The following CCDC69 variants were observed in gnomAD, a reference collection of about 807,000 sequenced individuals.
CCDC69 encodes coiled-coil domain containing 69.
Under a neutral mutation model 40.3 loss-of-function variants are expected in CCDC69, and 38 were observed. That is an observed-to-expected ratio of 0.94 (90% confidence interval 0.73 to 1.24). CCDC69 has a LOEUF of 1.24. Ranked by LOEUF, CCDC69 falls within the 50% of genes most tolerant of loss-of-function variation. The probability of loss-of-function intolerance (pLI) is 0.00; values close to 1 mark genes in which losing one functional copy is unlikely to be tolerated. For missense variants in CCDC69, 389 were observed against 357.9 expected, an observed-to-expected ratio of 1.09 and a Z score of -0.70; for synonymous variants, 141 against 138.9, an observed-to-expected ratio of 1.02 and a Z score of -0.11.
Position 151,186,244 on chromosome 5 carries a change from A to G in CCDC69, c.394-120T>C, listed in dbSNP as rs978476992. 2.5e-5 allele frequency: 18 copies of G among 728,276 alleles called. No individual in the cohort carries two copies. In the African/African-American group the frequency reaches 2.9e-4, roughly 12 times the overall value. The allele number at this position is 728,276 out of a possible 1,614,324, so 45.1% of individuals were successfully genotyped here. A position where few individuals can be genotyped will look rare whatever the true frequency, so the allele number is the denominator to read the frequency against. On this transcript the variant is annotated intron_variant, in intron 5 of 8. Coordinates refer to ENST00000355417, the MANE Select transcript of CCDC69 (RefSeq NM_015621.3). The stretch of plus-strand genomic sequence containing the variant: ...TCTTCAATCTGTCTTTGGCTACTCT[A>G]CATGACAATGCAACATCAACATACT...
At chr5:151,204,026 T>A (rs1486008725) in intron 2 of CCDC69, among the ~76,000 whole-genome samples, 3 of 150,848 alleles carry the variant, frequency 2.0e-5, no homozygotes, top group Non-Finnish European at 2.9e-5. Flanking sequence ...TTTGAAGTTC[T>A]CCAGGTAATT....
intron 1 of CCDC69, chr5:151,212,981 C>T: frequency 2.3e-6 from 1 of 436,712 alleles, no homozygotes; most frequent in Non-Finnish European, 4.6e-6. Flanking sequence ...AGTCAAACTT[C>T]ATGCTGTAGA....
At chr5:151,195,771 ACACACCCACACC>A in intron 4 of CCDC69, among the ~76,000 whole-genome samples, 1 of 150,896 alleles carries the variant, frequency 6.6e-6, no homozygotes, top group African/African-American at 2.4e-5. Flanking sequence ...ACACACCCAC[ACACACCCACACC>A]CACAAAACCA....
chr5:151,209,011 C>T (rs1183373253), intron 1 of CCDC69, among the ~76,000 whole-genome samples: 1 of 152,216 alleles, frequency 6.6e-6, no homozygotes, highest in African/African-American at 2.4e-5. Flanking sequence ...GACACTGTCA[C>T]ACTGTGCCAT....
chr5:151,212,017 T>C (rs1218405509), intron 1 of CCDC69: 1 of 26,204 alleles, frequency 3.8e-5, no homozygotes, highest in African/African-American at 8.0e-5. Flanking sequence ...GTGGTGGTGG[T>C]GGGGGGGGGA....
chr5:151,208,236 G>C (rs1429204955), intron 1 of CCDC69, among the ~76,000 whole-genome samples: 1 of 152,214 alleles, frequency 6.6e-6, no homozygotes, highest in Non-Finnish European at 1.5e-5. Context: ...GTGCAATAGA[G>C]TGAGACTCTG....
intron 1 of CCDC69, among the ~76,000 whole-genome samples, chr5:151,209,494 C>G (rs921688256): frequency 6.6e-6 from 1 of 152,294 alleles, no homozygotes; most frequent in East Asian, 1.9e-4. Flanking sequence ...CAGCTCTTGA[C>G]AAAACAAGAT....
intron 2 of CCDC69, among the ~76,000 whole-genome samples, chr5:151,204,206 T>C (rs939245809): frequency 2.6e-5 from 4 of 152,058 alleles, no homozygotes; most frequent in Admixed American, 2.0e-4. Context: ...TTTTTGTGTG[T>C]GTATTTTTGG....
intron 2 of CCDC69, among the ~76,000 whole-genome samples, chr5:151,204,463 C>T (rs1293754165): frequency 6.6e-6 from 1 of 152,196 alleles, no homozygotes; most frequent in Non-Finnish European, 1.5e-5. Context: ...TAGGGAGCTC[C>T]TCCTATTACC....
At position 151,212,647 on chromosome 5, in the gene CCDC69, C is replaced by A. The variant is rs573221035; in HGVS notation, c.49-7172G>T. ...CTGGAAGACGTCCCAAAGAAACCGA[C>A]AGGATGTAGGAGGTGGCTCAAAACC... On this transcript the variant is annotated intron_variant, in intron 1 of 8. Transcript: ENST00000355417. 87 of 380,078 alleles carry A rather than the reference C, an allele frequency of 2.3e-4. 2 individuals are homozygous for A. The highest frequency in any genetic ancestry group is 1.7e-3 in the South Asian group (87 of 52,032). The allele number at this position is 380,078 out of a possible 1,614,324, so 23.5% of individuals were successfully genotyped here.
chr5:151,205,252 T>G (rs901992627), intron 2 of CCDC69, 148 bp downstream of exon 2: 5 of 707,036 alleles, frequency 7.1e-6, no homozygotes, highest in East Asian at 5.2e-5. Context: ...GACTATTAAT[T>G]ACCTCCCTGA....
chr5:151,216,479 C>T (rs184302335), intron 1 of CCDC69, among the ~76,000 whole-genome samples: 2,085 of 134,250 alleles, frequency 0.016, 48 homozygotes, highest in African/African-American at 0.057. Flanking sequence ...TGCAGTGGTG[C>T]GATCTCGGCT....
intron 1 of CCDC69, among the ~76,000 whole-genome samples, chr5:151,219,323 GC>G (rs1432210523): frequency 6.8e-6 from 1 of 146,320 alleles, no homozygotes; most frequent in African/African-American, 2.5e-5. Context: ...CCTAACCCCC[GC>G]CCCCCTTCTA....
At chr5:151,197,543 CAAAA>C (rs202175595) in intron 4 of CCDC69, among the ~76,000 whole-genome samples, 1 of 151,178 alleles carries the variant, frequency 6.6e-6, no homozygotes, top group East Asian at 1.9e-4. Flanking sequence ...ACAAACAAAA[CAAAA>C]AAAACAAAAA....
At chr5:151,216,183 T>C (rs1753035742) in intron 1 of CCDC69, among the ~76,000 whole-genome samples, 1 of 152,182 alleles carries the variant, frequency 6.6e-6, no homozygotes, top group Non-Finnish European at 1.5e-5. Flanking sequence ...GATCTTGAAC[T>C]CCTGACCTCA....
At chr5:151,205,516 G>T in intron 1 of CCDC69, 41 bp from the exon 2 acceptor site, 2 of 1,568,682 alleles carry the variant, frequency 1.3e-6, no homozygotes, top group East Asian at 2.2e-5. Flanking sequence ...GGTAGAGGGT[G>T]GGAGGTCAAT....
At chr5:151,216,708 G>A (rs576462483) in intron 1 of CCDC69, among the ~76,000 whole-genome samples, 42 of 152,254 alleles carry the variant, frequency 2.8e-4, no homozygotes, top group African/African-American at 8.4e-4. Context: ...GAGCCACCAC[G>A]CCTGGCCAAT....
At chr5:151,201,724 A>C in intron 2 of CCDC69, 36 bp from the exon 3 acceptor site, 1 of 1,430,076 alleles carries the variant, frequency 7.0e-7, no homozygotes, top group Non-Finnish European at 9.7e-7. Flanking sequence ...AAAATAAAAA[A>C]ACTCACAGAG....
chr5:151,201,610 T>G lies in CCDC69; in HGVS notation c.203A>C (p.Glu68Ala), dbSNP rs769490491. 7 of 1,613,400 alleles carry G rather than the reference T, an allele frequency of 4.3e-6. No individual in the cohort carries two copies. The highest frequency in any genetic ancestry group is 1.3e-5 in the African/African-American group (1 of 74,908). Residue 68 changes from glutamate (E) to alanine (A), a missense_variant, in exon 3 of 9, where the codon GAG becomes GCG. Coordinates refer to ENST00000355417, the MANE Select transcript of CCDC69 (RefSeq NM_015621.3). Reference protein sequence around the residue: ...KDITRILQQHEEEKKKWAQQV... With the variant: ...KDITRILQQHAEEKKKWAQQV... ...TTGTGCCCATTTCTTCTTTTCCTCC[T>G]CATGTTGCTGGAGAATTCTGGTTAT...
Sources: gnomAD v4.1 joint callset for allele counts (sites outside exome capture counted in the v4.1 genomes callset) on GRCh38, gnomAD v4.1.1 for gene constraint, MANE v1.5 for transcripts, NCBI Gene and HGNC (gene_info 2026-07-23, HGNC 2026-07-21) for gene names.